The following RRAS2 variants were observed in gnomAD, a reference collection of about 807,000 sequenced individuals.
RRAS2 encodes RAS related 2, also known as ras-related protein R-Ras2.
Under a neutral mutation model 27.6 loss-of-function variants are expected in RRAS2, and 7 were observed. That is an observed-to-expected ratio of 0.25 (90% CI 0.14 to 0.48). The LOEUF is 0.48. Among genes scored for constraint, RRAS2 ranks in the 20% least tolerant of loss-of-function variants. RRAS2 has a pLI of 0.99. For synonymous variants in RRAS2, 86 were observed against 90.9 expected, an observed-to-expected ratio of 0.95 and a Z score of 0.31; for missense variants, 178 against 256.2, an observed-to-expected ratio of 0.69 and a Z score of 2.08.
At chr11:14,299,668 T>C (rs573591412) in intron 1 of RRAS2, among the ~76,000 whole-genome samples, 175 of 152,322 alleles carry the variant, frequency 1.1e-3, no homozygotes, top group African/African-American at 4.0e-3. Context: ...TCAGTGATCA[T>C]GTATGAAGCA....
At chr11:14,349,310 C>T (rs1434861622) in intron 1 of RRAS2, among the ~76,000 whole-genome samples, 8 of 151,662 alleles carry the variant, frequency 5.3e-5, no homozygotes, top group African/African-American at 1.9e-4. Context: ...CGCCACCACA[C>T]CCGGCTAATT....
chr11:14,307,141 T>C (rs1207784173), intron 1 of RRAS2, among the ~76,000 whole-genome samples: 1 of 150,724 alleles, frequency 6.6e-6, no homozygotes, highest in East Asian at 2.0e-4. Context: ...CAGTGAGCAG[T>C]GATTGTGCCA....
intron 1 of RRAS2, among the ~76,000 whole-genome samples, chr11:14,300,478 A>G (rs1160289782): frequency 6.6e-6 from 1 of 152,010 alleles, no homozygotes; most frequent in African/African-American, 2.4e-5. Flanking sequence ...GAGGCAGGAG[A>G]CTGAGGTCAG....
chr11:14,311,648 C>T (rs992677309), intron 1 of RRAS2, among the ~76,000 whole-genome samples: 6 of 151,612 alleles, frequency 4.0e-5, no homozygotes, highest in African/African-American at 9.7e-5. Flanking sequence ...ATTACAGGCA[C>T]GAGCCACTGC....
chr11:14,343,701 G>A (rs940563157), intron 1 of RRAS2, among the ~76,000 whole-genome samples: 3 of 151,406 alleles, frequency 2.0e-5, no homozygotes, highest in African/African-American at 7.3e-5. Flanking sequence ...GGGCATGATG[G>A]TGCACGCCTG....
intron 4 of RRAS2, among the ~76,000 whole-genome samples, chr11:14,282,684 A>G: frequency 6.6e-6 from 1 of 152,178 alleles, no homozygotes; most frequent in Non-Finnish European, 1.5e-5. Flanking sequence ...AGAAAATTTA[A>G]GAACCTATCA....
At chr11:14,306,556 C>T (rs782145788) in intron 1 of RRAS2, among the ~76,000 whole-genome samples, 20 of 152,060 alleles carry the variant, frequency 1.3e-4, no homozygotes, top group African/African-American at 2.9e-4. Context: ...AACTGTGGGG[C>T]GAAGTCTTAT....
chr11:14,312,290 A>G (rs989024001), intron 1 of RRAS2, among the ~76,000 whole-genome samples: 1 of 152,260 alleles, frequency 6.6e-6, no homozygotes, highest in Non-Finnish European at 1.5e-5. Flanking sequence ...TTGAAATGCC[A>G]CATAGATTTC....
intron 1 of RRAS2, among the ~76,000 whole-genome samples, chr11:14,343,729 G>A (rs563338614): frequency 8.8e-4 from 134 of 152,030 alleles, no homozygotes; most frequent in Admixed American, 1.7e-3. Context: ...AGCTACTTCC[G>A]GGGCTGAGGT....
chr11:14,335,985 G>C (rs1444413514), intron 1 of RRAS2, among the ~76,000 whole-genome samples: 1 of 152,208 alleles, frequency 6.6e-6, no homozygotes, highest in Non-Finnish European at 1.5e-5. Flanking sequence ...GGAAGGTCAA[G>C]TGGGGATCCT....
At chr11:14,343,689 C>T (rs992791100) in intron 1 of RRAS2, among the ~76,000 whole-genome samples, 1 of 151,442 alleles carries the variant, frequency 6.6e-6, no homozygotes, top group Non-Finnish European at 1.5e-5. Context: ...CAAAAATTAG[C>T]GGGGCATGAT....
intron 1 of RRAS2, among the ~76,000 whole-genome samples, chr11:14,326,749 A>G (rs1848365859): frequency 6.6e-6 from 1 of 152,186 alleles, no homozygotes; most frequent in African/African-American, 2.4e-5. Context: ...AAGAAAGTAA[A>G]CATTTCAATC....
intron 1 of RRAS2, among the ~76,000 whole-genome samples, chr11:14,298,935 C>A (rs1445958621): frequency 6.6e-6 from 1 of 152,172 alleles, no homozygotes; most frequent in South Asian, 2.1e-4. Context: ...TTTGAGGCAA[C>A]AGATCACCAA....
At chr11:14,296,807 G>A (rs1012134100) in intron 1 of RRAS2, among the ~76,000 whole-genome samples, 2 of 151,342 alleles carry the variant, frequency 1.3e-5, no homozygotes, top group African/African-American at 2.4e-5. Context: ...CCCAACTACC[G>A]AAGTCATTAC....
chr11:14,304,918 ATATTCCTTCACTGAAG>A (rs1265272272), intron 1 of RRAS2, among the ~76,000 whole-genome samples: 2 of 152,182 alleles, frequency 1.3e-5, no homozygotes, highest in African/African-American at 4.8e-5. Context: ...AATATGCTTG[ATATTCCTTCACTGAAG>A]TATAGCTTTT....
At chr11:14,359,985 A>G (rs1469656269), upstream of RRAS2, among the ~76,000 whole-genome samples, 3 of 152,098 alleles carry the variant, frequency 2.0e-5, no homozygotes, top group African/African-American at 7.2e-5. Context: ...TCACTTGGTA[A>G]CTCATTTGGA....
At chr11:14,308,832 C>T (rs1166420339) in intron 1 of RRAS2, among the ~76,000 whole-genome samples, 1 of 152,148 alleles carries the variant, frequency 6.6e-6, no homozygotes, top group African/African-American at 2.4e-5. Context: ...AAGTAAAGAG[C>T]ATGTATTTTA....
chr11:14,290,168 C>T (rs1228726914), intron 4 of RRAS2, among the ~76,000 whole-genome samples: 6 of 152,130 alleles, frequency 3.9e-5, no homozygotes, highest in South Asian at 2.1e-4. Flanking sequence ...AGGTAAAAAC[C>T]GGCTGGGCGC....
intron 1 of RRAS2, among the ~76,000 whole-genome samples, chr11:14,310,362 C>T (rs187424728): frequency 2.6e-5 from 4 of 152,190 alleles, no homozygotes; most frequent in Non-Finnish European, 4.4e-5. Flanking sequence ...TGTCACAAGA[C>T]GAATCAGACA....
Sources: gnomAD v4.1 joint callset for allele counts (sites outside exome capture counted in the v4.1 genomes callset) on GRCh38, gnomAD v4.1.1 for gene constraint, MANE v1.5 for transcripts, NCBI Gene and HGNC (gene_info 2026-07-23, HGNC 2026-07-21) for gene names.